The following OSBPL9 variants were observed in gnomAD, a reference collection of about 807,000 sequenced individuals.
The protein encoded by OSBPL9 is oxysterol-binding protein-related protein 9.
OSBPL9 carries 40 observed loss-of-function variants against 106.6 expected under a neutral mutation model. The observed-to-expected ratio is 0.38, with a 90% confidence interval of 0.29 to 0.49. The LOEUF (loss-of-function observed/expected upper bound fraction) is 0.49. OSBPL9 is among the 20% of genes least tolerant of loss of function. The pLI is 0.97. For synonymous variants in OSBPL9, 269 were observed against 295.4 expected (o/e 0.91, Z 0.92); for missense variants, 609 against 887.2 (o/e 0.69, Z 3.98).
At chr1:51,784,160 T>C in intron 18 of OSBPL9, 104 bp from the exon 19 acceptor site, 1 of 1,414,392 alleles carries the variant, frequency 7.1e-7, no homozygotes, top group Admixed American at 1.7e-5. Context: ...AGATAGGTTA[T>C]CCCTAAATTG....
chr1:51,711,022 T>C (rs1659685819), intron 3 of OSBPL9, among the ~76,000 whole-genome samples: 1 of 151,918 alleles, frequency 6.6e-6, no homozygotes, highest in Non-Finnish European at 1.5e-5. Flanking sequence ...TACCCTTACT[T>C]CTATATTTTC....
chr1:51,626,817 G>C (rs1644795677), intron 1 of OSBPL9, among the ~76,000 whole-genome samples: 1 of 152,110 alleles, frequency 6.6e-6, no homozygotes, highest in Non-Finnish European at 1.5e-5. Context: ...ATGACACCTG[G>C]CCATCTTTAA....
intron 3 of OSBPL9, chr1:51,709,397 A>G: frequency 5.0e-6 from 1 of 201,700 alleles, no homozygotes; most frequent in Non-Finnish European, 1.1e-5. Flanking sequence ...AGTTCTGGAG[A>G]TATTTTGCAG....
intron 12 of OSBPL9, among the ~76,000 whole-genome samples, chr1:51,766,913 C>CAAAA (rs35475237): frequency 7.3e-6 from 1 of 136,212 alleles, no homozygotes; most frequent in African/African-American, 2.7e-5. Context: ...CTAAAAATAC[C>CAAAA]AAAAAAAAAA....
At chr1:51,554,399 TATAAG>T in the OSBPL9 span, among the ~76,000 whole-genome samples, 1 of 151,966 alleles carries the variant, frequency 6.6e-6, no homozygotes, top group Non-Finnish European at 1.5e-5. Context: ...TAAAGAAAAA[TATAAG>T]AGACTCATAG....
At chr1:51,669,080 G>A (rs1206765118) in intron 2 of OSBPL9, among the ~76,000 whole-genome samples, 5 of 152,176 alleles carry the variant, frequency 3.3e-5, no homozygotes, top group African/African-American at 1.2e-4. Flanking sequence ...CTGGTGAGGT[G>A]TAGGTTTTTG....
intron 1 of OSBPL9, among the ~76,000 whole-genome samples, chr1:51,587,036 A>G (rs1645250983): frequency 6.6e-6 from 1 of 152,148 alleles, no homozygotes. Context: ...ATTTGTCACT[A>G]CATTCACACC....
At chr1:51,703,725 A>T (rs1657816951) in intron 3 of OSBPL9, among the ~76,000 whole-genome samples, 1 of 152,184 alleles carries the variant, frequency 6.6e-6, no homozygotes, top group Non-Finnish European at 1.5e-5. Context: ...GCCAGTTTTC[A>T]AAGGGAATGC....
intron 1 of OSBPL9, among the ~76,000 whole-genome samples, chr1:51,588,956 G>A (rs543019796): frequency 2.0e-5 from 3 of 152,210 alleles, no homozygotes; most frequent in Non-Finnish European, 4.4e-5. Context: ...AGTGAGGAGA[G>A]AGAAAAACGG....
At chr1:51,628,766 C>T (rs956208622) in intron 1 of OSBPL9, among the ~76,000 whole-genome samples, 3 of 149,438 alleles carry the variant, frequency 2.0e-5, no homozygotes, top group Admixed American at 6.8e-5. Flanking sequence ...CCACTGCAGC[C>T]TCTGCCTGCT....
rs1221146295 is a variant in OSBPL9 at position 51,745,642 on chromosome 1, A to G, written c.414+11A>G. The G allele has an allele frequency of 1.3e-6, 2 of 1,526,468 alleles. No homozygotes were observed. Among genetic ancestry groups the G allele is most frequent in the Non-Finnish European group, 1.7e-6 (2 of 1,143,740 alleles). 94.6% of individuals were successfully genotyped at this position (1,526,468 alleles called of 1,614,324 possible). ...ATTGAACAATTAAAGGTATGGCATT[A>G]GTTTGTATATTAAATTTATATAAAT... On this transcript the variant is annotated intron_variant, in intron 5 of 23. Transcript: ENST00000428468.
At chr1:51,551,753 AT>A in the OSBPL9 span, among the ~76,000 whole-genome samples, 937 of 146,604 alleles carry the variant, frequency 6.4e-3, 11 homozygotes, top group African/African-American at 0.019. Context: ...CACCTGGCTA[AT>A]TTTTTTTTTT....
intron 4 of OSBPL9, among the ~76,000 whole-genome samples, chr1:51,743,563 CT>C (rs1667373523): frequency 6.6e-6 from 1 of 152,118 alleles, no homozygotes. Context: ...TTAAAGATCA[CT>C]TTTCCCCTCT....
At position 51,666,618 on chromosome 1, in the gene OSBPL9, C is replaced by T. The variant is rs1311966754; in HGVS notation, c.163-2816C>T. On this transcript the variant is annotated intron_variant, in intron 2 of 23. Coordinates refer to ENST00000428468, the MANE Select transcript of OSBPL9 (RefSeq NM_024586.6). ...CTTGTCATCACAGAGCACTAAACCA[C>T]AGTGACTAGTTAATGCTGCCAGCTA... Among the ~76,000 whole-genome samples the T allele has an allele frequency of 2.0e-5, 3 of 152,168 alleles. No homozygotes were observed. The East Asian group carries it at 5.8e-4, about 29-fold the overall frequency.
chr1:51,628,695 T>TC (rs1356199957), intron 1 of OSBPL9, among the ~76,000 whole-genome samples: 1 of 147,020 alleles, frequency 6.8e-6, no homozygotes, highest in East Asian at 1.9e-4. Flanking sequence ...TTTTTTTTTT[T>TC]TTTTTTGAGA....
intron 15 of OSBPL9, 93 bp from the exon 16 acceptor site, chr1:51,781,071 A>G (rs978851398): frequency 8.2e-7 from 1 of 1,221,008 alleles, no homozygotes; most frequent in Non-Finnish European, 1.2e-6. Context: ...CAGTCCTCTC[A>G]GCCTGACTTA....
At chr1:51,546,064 T>C in the OSBPL9 span, among the ~76,000 whole-genome samples, 8 of 152,120 alleles carry the variant, frequency 5.3e-5, no homozygotes, top group African/African-American at 1.9e-4. Context: ...TCACCCAGAC[T>C]GGAGTGCAGT....
the OSBPL9 span, among the ~76,000 whole-genome samples, chr1:51,529,781 G>T: frequency 6.6e-6 from 1 of 150,428 alleles, no homozygotes; most frequent in East Asian, 1.9e-4. Context: ...GAACCCCTAC[G>T]TCATACCAGA....
chr1:51,709,262 G>C (rs1348434263), intron 3 of OSBPL9: 2 of 214,852 alleles, frequency 9.3e-6, no homozygotes, highest in African/African-American at 4.6e-5. Context: ...CAAGGAGCAG[G>C]GCACTTGTCC....
Sources: allele counts gnomAD v4.1 joint callset (sites outside exome capture counted in the v4.1 genomes callset), GRCh38; gene constraint gnomAD v4.1.1; transcripts MANE v1.5; gene names NCBI Gene and HGNC (gene_info 2026-07-23, HGNC 2026-07-21).